Variants in GPC5 observed in about 807,000 individuals in gnomAD.
GPC5 encodes glypican-5.
Under a neutral mutation model 53.9 loss-of-function variants are expected in GPC5, and 47 were observed. The observed-to-expected ratio is 0.87, with a 90% CI of 0.69 to 1.11. The LOEUF is 1.11. Among genes scored for constraint, GPC5 ranks in the 50% most tolerant of loss-of-function variants. The probability of loss-of-function intolerance (pLI) is 0.00; values close to 1 mark genes in which losing one functional copy is unlikely to be tolerated. For missense variants in GPC5, 748 were observed against 713.1 expected (o/e 1.05, Z -0.56); for synonymous variants, 286 against 263.3 (o/e 1.09, Z -0.84).
At chr13:92,522,510 TTG>T (rs1881099670) in intron 7 of GPC5, among the ~76,000 whole-genome samples, 1 of 151,968 alleles carries the variant, frequency 6.6e-6, no homozygotes, top group African/African-American at 2.4e-5. Context: ...CAGCAAACTA[TTG>T]CAAGAACAAA....
chr13:92,812,674 ATT>A (rs1303053069), intron 7 of GPC5, among the ~76,000 whole-genome samples: 1 of 151,812 alleles, frequency 6.6e-6, no homozygotes, highest in East Asian at 1.9e-4. Context: ...GTAAAACTCT[ATT>A]TTCAGATAAC....
At chr13:92,252,754 C>T (rs1250125444) in intron 7 of GPC5, among the ~76,000 whole-genome samples, 1 of 152,050 alleles carries the variant, frequency 6.6e-6, no homozygotes, top group Middle Eastern at 3.2e-3. Flanking sequence ...TTAAAAACAG[C>T]AATCGAAAAG....
At chr13:92,383,864 C>A (rs1004766775) in intron 7 of GPC5, among the ~76,000 whole-genome samples, 2 of 152,094 alleles carry the variant, frequency 1.3e-5, no homozygotes, top group Non-Finnish European at 2.9e-5. Context: ...AATAGTAACT[C>A]TAAGAATGCA....
intron 7 of GPC5, among the ~76,000 whole-genome samples, chr13:92,743,059 A>T (rs1889146937): frequency 6.6e-6 from 1 of 151,272 alleles, no homozygotes; most frequent in Non-Finnish European, 1.5e-5. Context: ...TGACTTGGCG[A>T]TGCAGGCTCT....
At chr13:91,920,926 C>CTTTTTTT (rs869309251) in intron 6 of GPC5, among the ~76,000 whole-genome samples, 2 of 32,162 alleles carry the variant, frequency 6.2e-5, no homozygotes, top group African/African-American at 1.2e-4. Flanking sequence ...CTCTCTCTCT[C>CTTTTTTT]TTTTTTTTTT....
At chr13:92,817,376 G>T (rs1180839129) in intron 7 of GPC5, among the ~76,000 whole-genome samples, 1 of 151,822 alleles carries the variant, frequency 6.6e-6, no homozygotes, top group Non-Finnish European at 1.5e-5. Flanking sequence ...TTCGGTTTGG[G>T]TACATACTTT....
At position 91,792,162 on chromosome 13, in the gene GPC5, A is replaced by C. The variant is rs545789302; in HGVS notation, c.1280+35742A>C. Among the ~76,000 whole-genome samples the C allele has an allele frequency of 1.5e-4, 23 of 152,298 alleles. No homozygotes were observed. The Middle Eastern group carries it at 0.01, about 68-fold the overall frequency. ...CATTATCTTTTACTTTTGAACATGGATGAAATCAGAGGTGTCCCTGTGAAA... is the reference window on the plus strand; with the variant it reads ...CATTATCTTTTACTTTTGAACATGGCTGAAATCAGAGGTGTCCCTGTGAAA... On this transcript the variant is annotated intron_variant, in intron 5 of 7. Transcript: ENST00000377067.
chr13:91,889,258 G>T (rs559601732), intron 5 of GPC5, among the ~76,000 whole-genome samples: 1 of 152,250 alleles, frequency 6.6e-6, no homozygotes, highest in South Asian at 2.1e-4. Context: ...CAGGGGACAG[G>T]CTGGGGAGAG....
chr13:92,385,487 CACATATATACATACATAT>C (rs1874609507), intron 7 of GPC5, among the ~76,000 whole-genome samples: 1 of 55,468 alleles, frequency 1.8e-5, no homozygotes, highest in Admixed American at 1.9e-4. Flanking sequence ...TACATATATA[CACATATATACATACATAT>C]ACATATATAC....
chr13:91,486,959 A>G (rs1883641660), intron 2 of GPC5: 1 of 152,178 alleles, frequency 6.6e-6, no homozygotes, highest in Admixed American at 6.5e-5. Flanking sequence ...TTCCTAAAAT[A>G]TGAAATCTGT....
At chr13:91,488,943 C>A (rs546900211) in intron 2 of GPC5, among the ~76,000 whole-genome samples, 1 of 152,114 alleles carries the variant, frequency 6.6e-6, no homozygotes, top group Non-Finnish European at 1.5e-5. Context: ...GCTTTGGGGG[C>A]GGCTGTCTTT....
intron 2 of GPC5, among the ~76,000 whole-genome samples, chr13:91,478,885 A>ATATATATATACACACATATATATACACAT (rs1883137002): frequency 8.5e-6 from 1 of 117,636 alleles, no homozygotes; most frequent in South Asian, 2.7e-4. Flanking sequence ...TACACATTAT[A>ATATATATATACACACATATATATACACAT]TATATATATA....
chr13:91,649,924 A>T (rs2034656266), intron 2 of GPC5, among the ~76,000 whole-genome samples: 1 of 152,322 alleles, frequency 6.6e-6, no homozygotes, highest in African/African-American at 2.4e-5. Flanking sequence ...AGATTTTTTT[A>T]AAAATTTATT....
rs544849953 is a variant in GPC5, at chr13:92,864,525, T to C, written c.1562-1757T>C. ...ATTCACAATGCTTAAAAATGAAAAG[T>C]AAATCCTGTAATGCTCAAATTTATG... On this transcript the variant is annotated intron_variant, in intron 7 of 7. Transcript: ENST00000377067. Among the ~76,000 whole-genome samples, 292 of 152,132 alleles carry C rather than the reference T, an allele frequency of 1.9e-3. 2 individuals carry two copies. Among genetic ancestry groups the C allele is most frequent in the South Asian group, 9.5e-3 (46 of 4,822 alleles).
chr13:92,828,013 C>G (rs1877911101), intron 7 of GPC5, among the ~76,000 whole-genome samples: 1 of 152,130 alleles, frequency 6.6e-6, no homozygotes, highest in East Asian at 1.9e-4. Context: ...ATACATTACA[C>G]ACACCTCCAA....
intron 7 of GPC5, among the ~76,000 whole-genome samples, chr13:92,205,519 G>A (rs2039008385): frequency 6.6e-6 from 1 of 152,108 alleles, no homozygotes; most frequent in Non-Finnish European, 1.5e-5. Context: ...TTTCATTAGA[G>A]GTTACTTTCT....
At chr13:92,493,632 G>A (rs932483195) in intron 7 of GPC5, among the ~76,000 whole-genome samples, 1 of 152,164 alleles carries the variant, frequency 6.6e-6, no homozygotes, top group Admixed American at 6.6e-5. Flanking sequence ...TGCCGTCTTG[G>A]TTGTGTTCAG....
At chr13:91,926,254 G>A (rs1375979336) in intron 6 of GPC5, among the ~76,000 whole-genome samples, 2 of 151,498 alleles carry the variant, frequency 1.3e-5, no homozygotes, top group Admixed American at 6.6e-5. Flanking sequence ...CCAGCTACTC[G>A]GGAGGCTGAG....
chr13:92,607,956 T>A (rs2079396555), intron 7 of GPC5, among the ~76,000 whole-genome samples: 1 of 152,210 alleles, frequency 6.6e-6, no homozygotes, highest in Admixed American at 6.5e-5. Flanking sequence ...ATAATGAGGA[T>A]GAAGACCTTT....
Sources: allele counts gnomAD v4.1 joint callset (sites outside exome capture counted in the v4.1 genomes callset), GRCh38; gene constraint gnomAD v4.1.1; transcripts MANE v1.5; gene names NCBI Gene and HGNC (gene_info 2026-07-23, HGNC 2026-07-21).